NCAM1: variants seen among roughly 807,000 people sequenced by gnomAD.
NCAM1 encodes antigen recognized by monoclonal antibody 5.1H11.
In NCAM1, 14 loss-of-function variants were observed where a neutral mutation model predicts 109.8. The observed-to-expected ratio is 0.13, with a 90% confidence interval of 0.08 to 0.20. The LOEUF (loss-of-function observed/expected upper bound fraction) is 0.20, where lower values mean the gene tolerates loss of function less well. Ranked by LOEUF, NCAM1 falls within the 10% of genes least tolerant of loss-of-function variation. The pLI is 1.00. For synonymous variants in NCAM1, 418 were observed against 442.9 expected (o/e 0.94, Z 0.70); for missense variants, 774 against 1,109.9 (o/e 0.70, Z 4.30).
intron 1 of NCAM1, among the ~76,000 whole-genome samples, chr11:113,196,781 C>T (rs1461980414): frequency 6.6e-6 from 1 of 152,198 alleles, no homozygotes; most frequent in Non-Finnish European, 1.5e-5. Flanking sequence ...GTTTCCTATT[C>T]ACTTTCACTG....
chr11:113,035,812 C>T (rs545154499), intron 1 of NCAM1, among the ~76,000 whole-genome samples: 1 of 152,284 alleles, frequency 6.6e-6, no homozygotes, highest in South Asian at 2.1e-4. Flanking sequence ...TTCCTCTTAA[C>T]ATCTGTCTTT....
chr11:113,041,336 G>A (rs1953065878), intron 1 of NCAM1: 1 of 152,198 alleles, frequency 6.6e-6, no homozygotes, highest in Non-Finnish European at 1.5e-5. Flanking sequence ...GCTGGCAAGA[G>A]ATGTTTCTTT....
At chr11:113,248,222 C>T (rs1158216137) in intron 15 of NCAM1, among the ~76,000 whole-genome samples, 5 of 106,146 alleles carry the variant, frequency 4.7e-5, no homozygotes, top group South Asian at 9.6e-4. Context: ...AAAATGTGGC[C>T]GGTACCAAAA....
At chr11:113,076,586 C>CTTGTATTG in intron 1 of NCAM1, among the ~76,000 whole-genome samples, 1 of 152,248 alleles carries the variant, frequency 6.6e-6, no homozygotes, top group Middle Eastern at 3.4e-3. Context: ...TTCTTGTATT[C>CTTGTATTG]TATTTCTCAG....
chr11:113,251,055 C>T (rs1475541839), intron 15 of NCAM1, among the ~76,000 whole-genome samples: 14 of 152,244 alleles, frequency 9.2e-5, no homozygotes, highest in Admixed American at 9.2e-4. Context: ...CCCACCTCAG[C>T]CTCCCAAAGT....
chr11:113,247,284 A>G (rs937055126), intron 15 of NCAM1, among the ~76,000 whole-genome samples: 4 of 152,186 alleles, frequency 2.6e-5, no homozygotes, highest in Admixed American at 1.3e-4. Context: ...CCTAACTGGA[A>G]TGTTTTGCTT....
At chr11:113,125,332 A>G (rs1941131202) in intron 1 of NCAM1, among the ~76,000 whole-genome samples, 1 of 152,210 alleles carries the variant, frequency 6.6e-6, no homozygotes, top group Non-Finnish European at 1.5e-5. Flanking sequence ...AGTATCTTAG[A>G]AATTCTAAAC....
intron 1 of NCAM1, among the ~76,000 whole-genome samples, chr11:113,147,625 C>T (rs1400962934): frequency 6.6e-6 from 1 of 152,174 alleles, no homozygotes; most frequent in Non-Finnish European, 1.5e-5. Flanking sequence ...AGCCATCTCC[C>T]GTAGTTTCTG....
At chr11:113,008,784 C>T (rs1951955918) in intron 1 of NCAM1, among the ~76,000 whole-genome samples, 1 of 152,206 alleles carries the variant, frequency 6.6e-6, no homozygotes. Context: ...TTGTTTTACA[C>T]ACTGAAATGT....
chr11:113,018,918 G>A (rs1952295285), intron 1 of NCAM1, among the ~76,000 whole-genome samples: 1 of 151,952 alleles, frequency 6.6e-6, no homozygotes, highest in South Asian at 2.1e-4. Context: ...TTTATGAGAA[G>A]AGGAAAGTGC....
At chr11:113,004,078 T>C (rs1951826675) in intron 1 of NCAM1, among the ~76,000 whole-genome samples, 1 of 152,354 alleles carries the variant, frequency 6.6e-6, no homozygotes, top group Admixed American at 6.5e-5. Context: ...GAAAAACAAT[T>C]AGATGCGTTT....
chr11:113,176,789 C>T (rs1477601298), intron 1 of NCAM1, among the ~76,000 whole-genome samples: 1 of 151,962 alleles, frequency 6.6e-6, no homozygotes, highest in Non-Finnish European at 1.5e-5. Flanking sequence ...TTTAGCTTAA[C>T]AAATTCCTAA....
At chr11:112,977,953 G>T (rs1339247286) in intron 1 of NCAM1, among the ~76,000 whole-genome samples, 3 of 151,850 alleles carry the variant, frequency 2.0e-5, no homozygotes, top group African/African-American at 7.2e-5. Flanking sequence ...TTCCATTCAA[G>T]TGGAAAAGCT....
At chr11:113,135,728 G>A (rs1555099271) in intron 1 of NCAM1, among the ~76,000 whole-genome samples, 2 of 152,200 alleles carry the variant, frequency 1.3e-5, no homozygotes, top group African/African-American at 4.8e-5. Flanking sequence ...ATGCCATGGA[G>A]GCAAGGTGAT....
intron 1 of NCAM1, among the ~76,000 whole-genome samples, chr11:112,975,546 G>T (rs1359261005): frequency 6.6e-6 from 1 of 151,952 alleles, no homozygotes; most frequent in Non-Finnish European, 1.5e-5. Context: ...TATTTTCTCA[G>T]CATTTTTTTC....
At chr11:112,988,040 T>G (rs1195034867) in intron 1 of NCAM1, among the ~76,000 whole-genome samples, 3 of 152,176 alleles carry the variant, frequency 2.0e-5, no homozygotes, top group African/African-American at 7.2e-5. Flanking sequence ...CTCTTTATCT[T>G]TTGCATATTT....
intron 19 of NCAM1, chr11:113,272,984 C>A: frequency 2.2e-6 from 1 of 456,928 alleles, no homozygotes; most frequent in Non-Finnish European, 4.4e-6. Context: ...CTTCTGTCAC[C>A]ACCGTCACCA....
At chr11:113,117,443 C>CGGTA (rs1940759601) in intron 1 of NCAM1, among the ~76,000 whole-genome samples, 1 of 151,968 alleles carries the variant, frequency 6.6e-6, no homozygotes, top group Admixed American at 6.6e-5. Flanking sequence ...TCTTCAAACT[C>CGGTA]CTACCTTCCC....
chr11:113,220,310 T>C (rs1242172530), intron 8 of NCAM1, among the ~76,000 whole-genome samples: 1 of 152,032 alleles, frequency 6.6e-6, no homozygotes, highest in Non-Finnish European at 1.5e-5. Flanking sequence ...CATGCTGGAG[T>C]CCACATACCA....
Sources: gnomAD v4.1 joint callset for allele counts (sites outside exome capture counted in the v4.1 genomes callset) on GRCh38, gnomAD v4.1.1 for gene constraint, MANE v1.5 for transcripts, NCBI Gene and HGNC (gene_info 2026-07-23, HGNC 2026-07-21) for gene names.